Variants in TASP1 observed in about 807,000 individuals in gnomAD.
The protein encoded by TASP1 is threonine aspartase 1.
A neutral mutation model predicts 56.6 loss-of-function variants in TASP1; 16 were observed. The observed-to-expected ratio is 0.28, with a 90% CI of 0.19 to 0.43. The LOEUF (loss-of-function observed/expected upper bound fraction) is 0.43. TASP1 is among the 20% of genes least tolerant of loss of function. The pLI, the probability that TASP1 is intolerant of heterozygous loss-of-function variation, is 1.00. For missense variants in TASP1, 393 were observed against 511.6 expected, an observed-to-expected ratio of 0.77 and a Z score of 2.24; for synonymous variants, 179 against 184.2, an observed-to-expected ratio of 0.97 and a Z score of 0.23.
At chr20:13,168,180 C>CT in the TASP1 span, 2,086 of 140,302 alleles carry the variant, frequency 0.015, 27 homozygotes, top group African/African-American at 0.026. Context: ...TTCTTTCTTT[C>CT]TTTTTTTTTT....
At position 13,439,673 on chromosome 20, in the gene TASP1, AAC is replaced by A. The variant is rs757415406; in HGVS notation, c.986-4521_986-4520del. Among the ~76,000 whole-genome samples, 96 of 152,238 alleles carry A rather than the reference AAC, an allele frequency of 6.3e-4. 1 individual carries two copies. Among genetic ancestry groups the A allele is most frequent in the Non-Finnish European group, 5.1e-4 (35 of 67,994 alleles). On this transcript the variant is annotated intron_variant, in intron 11 of 13. Transcript: ENST00000337743. ...AAGTATAATTAAAAAAGAAAAAAGAAACAAAAGAGTAACACAGGGAAAATTTG... is the reference window on the plus strand; with the variant it reads ...AAGTATAATTAAAAAAGAAAAAAGAAAAAAGAGTAACACAGGGAAAATTTG...
At chr20:13,141,493 T>C in the TASP1 span, among the ~76,000 whole-genome samples, 2 of 152,292 alleles carry the variant, frequency 1.3e-5, no homozygotes, top group African/African-American at 4.8e-5. Context: ...CAGCCTTTTT[T>C]CTCTCCATCC....
the TASP1 span, among the ~76,000 whole-genome samples, chr20:13,140,906 T>C: frequency 6.6e-6 from 1 of 151,900 alleles, no homozygotes; most frequent in South Asian, 2.1e-4. Context: ...AATTTTATCA[T>C]GAGATTGCCA....
intron 10 of TASP1, among the ~76,000 whole-genome samples, chr20:13,517,557 T>G (rs1219083774): frequency 2.6e-5 from 4 of 152,074 alleles, no homozygotes; most frequent in African/African-American, 9.7e-5. Context: ...GCAAAAATTA[T>G]CAGTTTCATT....
intron 10 of TASP1, among the ~76,000 whole-genome samples, chr20:13,524,027 T>C (rs2044872968): frequency 6.6e-6 from 1 of 152,044 alleles, no homozygotes; most frequent in South Asian, 2.1e-4. Flanking sequence ...TGTGCACCTG[T>C]AGTCCTACCT....
At chr20:13,323,610 T>C in the TASP1 span, among the ~76,000 whole-genome samples, 1 of 152,252 alleles carries the variant, frequency 6.6e-6, no homozygotes, top group Non-Finnish European at 1.5e-5. Context: ...ATTTAATCTT[T>C]ATAACTACCA....
the TASP1 span, among the ~76,000 whole-genome samples, chr20:13,333,800 A>C: frequency 2.0e-5 from 3 of 152,118 alleles, no homozygotes; most frequent in Non-Finnish European, 4.4e-5. Context: ...TGCATCACAC[A>C]CTTACTTTCC....
chr20:13,131,852 T>C, the TASP1 span, among the ~76,000 whole-genome samples: 6 of 152,170 alleles, frequency 3.9e-5, no homozygotes, highest in South Asian at 2.1e-4. Flanking sequence ...CTGTCGTCTT[T>C]TCAGCTTACT....
Position 13,630,138 on chromosome 20 carries a change from A to T in TASP1, c.-60T>A. On this transcript the variant is annotated 5_prime_UTR_variant, in exon 2 of 14. Transcript: ENST00000337743. ...CATACTTCCATCCAAAAGTAATTGC[A>T]GGAGAGGAATTACCCTAAAGGAAAA... 1.9e-6 allele frequency: 3 copies of T among 1,558,280 alleles called. No homozygotes were observed. In the South Asian group the frequency reaches 3.7e-5, roughly 19 times the overall value.
At chr20:13,177,858 T>G in the TASP1 span, among the ~76,000 whole-genome samples, 1 of 152,098 alleles carries the variant, frequency 6.6e-6, no homozygotes, top group South Asian at 2.1e-4. Flanking sequence ...TGGGGAAAGA[T>G]TTTATGTATA....
At chr20:13,364,720 G>T in the TASP1 span, among the ~76,000 whole-genome samples, 1 of 151,936 alleles carries the variant, frequency 6.6e-6, no homozygotes. Context: ...AAAGAAAAGA[G>T]AACTTGAAGT....
At chr20:13,434,114 A>G (rs1471566212) in intron 12 of TASP1, among the ~76,000 whole-genome samples, 3 of 152,112 alleles carry the variant, frequency 2.0e-5, no homozygotes, top group Non-Finnish European at 4.4e-5. Flanking sequence ...AGGTGTCAAA[A>G]GGGGACTTCT....
At chr20:13,126,481 T>G in the TASP1 span, 1,320 of 1,258,106 alleles carry the variant, frequency 1.0e-3, no homozygotes, top group Non-Finnish European at 1.3e-3. Context: ...CTTTTGAGCA[T>G]GAGATCAAAT....
chr20:13,562,462 T>C (rs1012091339), intron 7 of TASP1, among the ~76,000 whole-genome samples: 1 of 151,970 alleles, frequency 6.6e-6, no homozygotes, highest in African/African-American at 2.4e-5. Context: ...AAACCAAAAG[T>C]TAGTTCATGG....
At chr20:13,219,225 C>T in the TASP1 span, among the ~76,000 whole-genome samples, 1 of 152,186 alleles carries the variant, frequency 6.6e-6, no homozygotes. Flanking sequence ...TAATCTGGCA[C>T]AACTGGAGGT....
the TASP1 span, among the ~76,000 whole-genome samples, chr20:13,335,560 T>C: frequency 5.3e-5 from 8 of 151,794 alleles, no homozygotes; most frequent in African/African-American, 1.9e-4. Context: ...GTCTCCAGCA[T>C]GAATGAATGA....
At chr20:13,533,673 G>C (rs1469926842) in intron 9 of TASP1, among the ~76,000 whole-genome samples, 1 of 152,108 alleles carries the variant, frequency 6.6e-6, no homozygotes, top group African/African-American at 2.4e-5. Flanking sequence ...AAGCAGTATA[G>C]TCAAGTAGAG....
the TASP1 span, among the ~76,000 whole-genome samples, chr20:13,219,954 G>T: frequency 6.6e-6 from 1 of 152,180 alleles, no homozygotes; most frequent in Non-Finnish European, 1.5e-5. Context: ...AAATTGGGGA[G>T]GGGGAAAGGG....
chr20:13,269,934 AGGATGGATGGATGGAT>A, the TASP1 span, among the ~76,000 whole-genome samples: 4 of 149,798 alleles, frequency 2.7e-5, no homozygotes, highest in African/African-American at 7.4e-5. Context: ...TGTGGGTGGA[AGGATGGATGGATGGAT>A]GGATGGATGG....
Sources: allele counts gnomAD v4.1 joint callset (sites outside exome capture counted in the v4.1 genomes callset), GRCh38; gene constraint gnomAD v4.1.1; transcripts MANE v1.5; gene names NCBI Gene and HGNC (gene_info 2026-07-23, HGNC 2026-07-21).